Variants in LOXL3 observed in about 807,000 individuals in gnomAD.
LOXL3 encodes the protein lysyl oxidase like 3, also known as lysyl oxidase homolog 3.
LOXL3 carries 60 observed loss-of-function variants against 91.8 expected under a neutral mutation model. The observed-to-expected ratio is 0.65, with a 90% CI of 0.53 to 0.81. LOXL3 has a LOEUF of 0.81. Ranked by LOEUF, LOXL3 falls within the 30% of genes least tolerant of loss-of-function variation. LOXL3 has a pLI of 0.00. For synonymous variants in LOXL3, 355 were observed against 387.6 expected (o/e 0.92, Z 0.99); for missense variants, 874 against 1,000.4 (o/e 0.87, Z 1.70).
upstream of LOXL3, chr2:74,554,906 C>A (rs1459777843): frequency 6.4e-7 from 1 of 1,569,254 alleles, no homozygotes; most frequent in Non-Finnish European, 8.7e-7. This position sits in a 1 kb window ranked among gnomAD's most constrained non-coding sequence, Gnocchi z 4.9. Flanking sequence ...GGCTGGAGAG[C>A]GGCGCCGGGA....
Position 74,536,300 on chromosome 2 carries a change from T to C in LOXL3, c.1084A>G (p.Met362Val). 3 of 1,613,652 alleles carry C rather than the reference T, an allele frequency of 1.9e-6. No homozygotes were observed. Among genetic ancestry groups the C allele is most frequent in the Non-Finnish European group, 2.5e-6 (3 of 1,179,942 alleles). ...CTCCATGCCACCTCACCCTGCCCCA[T>C]GCGAGCGCCACTCAGAGCTTCTCGA... is the stretch of plus-strand genomic sequence containing the variant. ...SAREALSGAR[M>V]GQGMGAIHLS... The change falls in exon 6 of 14, where the codon ATG (methionine) becomes GTG (valine). Residue 362 changes from methionine to valine, a missense_variant. Coordinates refer to ENST00000264094, the MANE Select transcript of LOXL3 (RefSeq NM_032603.5). The surrounding 1 kb of genome is among the most constrained non-coding windows in gnomAD (Gnocchi z 4.5).
upstream of LOXL3, chr2:74,554,376 C>A (rs114177497): frequency 8.2e-3 from 1,928 of 235,680 alleles, 36 homozygotes; most frequent in African/African-American, 0.043. This position sits in a 1 kb window ranked among gnomAD's most constrained non-coding sequence, Gnocchi z 4.9. Context: ...CCCGGAGGCC[C>A]GTGTGGGTCT....
In LOXL3 at chr2:74,550,331, T is replaced by G. The variant is rs1676924373; in HGVS notation, c.331A>C (p.Asn111His). The G allele has an allele frequency of 1.9e-6, 3 of 1,613,640 alleles. No homozygotes were observed. Among genetic ancestry groups the G allele is most frequent in the Non-Finnish European group, 2.5e-6 (3 of 1,179,816 alleles). Residue 111 changes from asparagine to histidine, a missense_variant, in exon 3 of 14, where the codon AAC (asparagine) becomes CAC (histidine). Coordinates refer to ENST00000264094, the MANE Select transcript of LOXL3 (RefSeq NM_032603.5). ...GPGTGRIWLD[N>H]LSCSGTEQSV... ...TGCTCGGTCCCACTGCAGCTCAAGT[T>G]GTCCAGCCAGATGCGGCCTGTGGAA... is the stretch of plus-strand genomic sequence containing the variant.
Position 74,536,782 on chromosome 2 carries a change from C to A in LOXL3, c.839G>T (p.Ser280Ile), listed in dbSNP as rs1324959069. The A allele has an allele frequency of 6.2e-7, 1 of 1,614,240 alleles. No homozygotes were observed. Among genetic ancestry groups the A allele is most frequent in the Admixed American group, 1.7e-5 (1 of 60,026 alleles). The part of the protein sequence containing the change: ...RCPGGGPAVV[S>I]CVPGPVYAAS... ...CGCGTAGACAGGGCCTGGCACACAG[C>A]TCACCACTGCAGGGCCCCCCCCAGG... Residue 280 changes from serine (S) to isoleucine (I), a missense_variant, in exon 5 of 14, where the codon AGC becomes ATC. By Grantham distance (142) the Ser-to-Ile change is moderately radical. Transcript: ENST00000264094. This position sits in a 1 kb window ranked among gnomAD's most constrained non-coding sequence, Gnocchi z 4.5.
intron 4 of LOXL3, among the ~76,000 whole-genome samples, chr2:74,546,804 C>T (rs1676617207): frequency 6.6e-6 from 1 of 152,168 alleles, no homozygotes; most frequent in Non-Finnish European, 1.5e-5. Context: ...GCAACCTCCG[C>T]CTCCCGGGTT....
rs1230023782 is a variant in LOXL3, at chr2:74,533,958, ACT to A, written c.2110_2111del (p.Ser704Ter). The A allele has an allele frequency of 1.2e-6, 2 of 1,613,894 alleles. No individual in the cohort carries two copies. Among genetic ancestry groups the A allele is most frequent in the South Asian group, 1.1e-5 (1 of 91,070 alleles). ...ATTTCATTGCATTGTTGGTAAAGTCACTCTCTGCTACTTCAAAGTTTGGGTTG... is the reference window on the plus strand; with the variant it reads ...ATTTCATTGCATTGTTGGTAAAGTCACTCTGCTACTTCAAAGTTTGGGTTG... Reference protein sequence around the residue: ...VINPNFEVAESDFTNNAMKCN... With the variant: ...VINPNFEVAEXDFTNNAMKCN... On this transcript the variant is annotated frameshift_variant, in exon 13 of 14. Transcript: ENST00000264094. LOFTEE classifies it high-confidence loss of function.
intron 4 of LOXL3, among the ~76,000 whole-genome samples, chr2:74,544,759 T>A (rs1676509601): frequency 6.6e-6 from 1 of 152,014 alleles, no homozygotes; most frequent in Non-Finnish European, 1.5e-5. Context: ...AGCAGATCCA[T>A]TTTTTTTCCC....
chr2:74,555,498 G>C, upstream of LOXL3: 1 of 1,610,708 alleles, frequency 6.2e-7, no homozygotes, highest in Non-Finnish European at 8.5e-7. This position sits in a 1 kb window ranked among gnomAD's most constrained non-coding sequence, Gnocchi z 6.1. Flanking sequence ...TACAGAGGCA[G>C]AGAAATGGGG....
chr2:74,545,339 A>G (rs1676533574), intron 4 of LOXL3, among the ~76,000 whole-genome samples: 1 of 152,274 alleles, frequency 6.6e-6, no homozygotes, highest in South Asian at 2.1e-4. Flanking sequence ...ATCCACTACT[A>G]TCAGGCAAAC....
intron 4 of LOXL3, among the ~76,000 whole-genome samples, chr2:74,542,788 C>G (rs1365675690): frequency 6.6e-6 from 1 of 152,100 alleles, no homozygotes; most frequent in African/African-American, 2.4e-5. Context: ...CCACAGCCAG[C>G]TAATTTTTGT....
At position 74,533,665 on chromosome 2, in the gene LOXL3, C is replaced by T. The variant is rs1341811424; in HGVS notation, c.2203G>A (p.Glu735Lys). The T allele has an allele frequency of 1.9e-6, 3 of 1,613,918 alleles. No homozygotes were observed. The highest frequency in any genetic ancestry group is 2.5e-6 in the Non-Finnish European group (3 of 1,180,008). ...CGTTCAAACCTCCTGTTGGCCTCTT[C>T]ACTGAAGGCATCACCTGCAGAGTGG... Reference protein sequence around the residue: ...HNCHIGDAFSEEANRRFERYP... With the variant: ...HNCHIGDAFSKEANRRFERYP... The change falls in exon 14 of 14, where the codon GAA (glutamate) becomes AAA (lysine). Residue 735 changes from glutamate (E) to lysine (K), a missense_variant. Transcript: ENST00000264094.
intron 4 of LOXL3, chr2:74,539,779 C>G (rs368763217): frequency 6.5e-6 from 1 of 152,720 alleles, no homozygotes; most frequent in African/African-American, 2.4e-5. Flanking sequence ...GGTCCCGGGG[C>G]TCTTGCCCCA....
upstream of LOXL3, chr2:74,554,984 G>A: frequency 7.1e-7 from 1 of 1,398,798 alleles, no homozygotes; most frequent in Non-Finnish European, 9.8e-7. This position sits in a 1 kb window ranked among gnomAD's most constrained non-coding sequence, Gnocchi z 4.9. Context: ...GTAGTCTAGG[G>A]GTTCTGGTCC....
At chr2:74,546,314 T>C (rs946890702) in intron 4 of LOXL3, among the ~76,000 whole-genome samples, 1 of 151,776 alleles carries the variant, frequency 6.6e-6, no homozygotes, top group African/African-American at 2.4e-5. Flanking sequence ...GAAAAAAAAA[T>C]GGAAGCCCGA....
chr2:74,536,649 T>A lies in LOXL3; in HGVS notation c.912+60A>T. The A allele has an allele frequency of 6.4e-7, 1 of 1,559,648 alleles. No individual in the cohort carries two copies. The highest frequency in any genetic ancestry group is 8.8e-7 in the Non-Finnish European group (1 of 1,135,912). ...GGTCAGGGCTGTGCTTAGTCTGGGG[T>A]TGCCAGGCTAGGGGTTCTCCACCTG... On this transcript the variant is annotated intron_variant, in intron 5 of 13. Coordinates refer to ENST00000264094, the MANE Select transcript of LOXL3 (RefSeq NM_032603.5). This position sits in a 1 kb window ranked among gnomAD's most constrained non-coding sequence, Gnocchi z 4.5.
chr2:74,536,993 A>C lies in LOXL3; in HGVS notation c.693-65T>G. On this transcript the variant is annotated intron_variant, in intron 4 of 13. Transcript: ENST00000264094. This position sits in a 1 kb window ranked among gnomAD's most constrained non-coding sequence, Gnocchi z 4.5. Reference sequence around the variant, plus strand: ...GCTCCTGCCTCTTGGCCCCACAAACATCCTCCCACTTCATGCCTCCACCAT... The same window carrying C: ...GCTCCTGCCTCTTGGCCCCACAAACCTCCTCCCACTTCATGCCTCCACCAT... 1 of 1,319,936 alleles carries C rather than the reference A, an allele frequency of 7.6e-7. No individual in the cohort carries two copies. Among genetic ancestry groups the C allele is most frequent in the Non-Finnish European group, 1.1e-6 (1 of 932,046 alleles). The allele number at this position is 1,319,936 out of a possible 1,614,324, so 81.8% of individuals were successfully genotyped here.
chr2:74,550,015 A>G (rs1290629539), intron 3 of LOXL3, 170 bp downstream of exon 3: 1 of 985,202 alleles, frequency 1.0e-6, no homozygotes, highest in Non-Finnish European at 1.2e-6. Flanking sequence ...AATGCTAAAA[A>G]CCTGTTGGAT....
Position 74,536,462 on chromosome 2 carries a change from G to A in LOXL3, c.922C>T (p.Arg308Cys), listed in dbSNP as rs551168798. Residue 308 changes from arginine to cysteine, a missense_variant, in exon 6 of 14, where the codon CGT becomes TGT. Physicochemically the swap from Arg to Cys is radical, Grantham distance 180. Transcript: ENST00000264094. This position sits in a 1 kb window ranked among gnomAD's most constrained non-coding sequence, Gnocchi z 4.5. The stretch of plus-strand genomic sequence containing the variant: ...CCAGGGTGGGCGCCGCCCTTTAGAC[G>A]GACACGGGCCTATAGAAGAGAGAAG... Reference protein sequence around the residue: ...QSKPQGEARVRLKGGAHPGEG... With the variant: ...QSKPQGEARVCLKGGAHPGEG... 9.3e-6 allele frequency: 15 copies of A among 1,613,040 alleles called. No homozygotes were observed. Among genetic ancestry groups the A allele is most frequent in the South Asian group, 8.8e-5 (8 of 91,022 alleles).
rs200170015 is a variant in LOXL3, at chr2:74,533,726, G to A, written c.2189-47C>T. 5 of 1,565,218 alleles carry A rather than the reference G, an allele frequency of 3.2e-6. No individual in the cohort carries two copies. In the Admixed American group the frequency reaches 8.3e-5, roughly 26 times the overall value. ...TGGGAGGCGCCCTGCACAGAGGGAG[G>A]GAGATAGATGCACTGTGGAGAAGGG... On this transcript the variant is annotated intron_variant, in intron 13 of 13. Transcript: ENST00000264094.
Sources: gnomAD v4.1 joint callset for allele counts (sites outside exome capture counted in the v4.1 genomes callset) on GRCh38, gnomAD v4.1.1 for gene constraint, Gnocchi (gnomAD v3.1) non-coding constraint, MANE v1.5 for transcripts, NCBI Gene and HGNC (gene_info 2026-07-23, HGNC 2026-07-21) for gene names.